Variants in GPC6 observed in about 807,000 individuals in gnomAD.
GPC6 encodes the protein glypican 6, also known as glypican-6.
A neutral mutation model predicts 55.2 loss-of-function variants in GPC6; 14 were observed. That is an observed-to-expected ratio of 0.25 (90% CI 0.17 to 0.40). The LOEUF (loss-of-function observed/expected upper bound fraction) is 0.40. Ranked by LOEUF, GPC6 falls within the 10% of genes least tolerant of loss-of-function variation. The pLI, the probability that GPC6 is intolerant of heterozygous loss-of-function variation, is 1.00. For missense variants in GPC6, 641 were observed against 708.5 expected (o/e 0.90, Z 1.08); for synonymous variants, 278 against 259.6 (o/e 1.07, Z -0.68).
intron 4 of GPC6, among the ~76,000 whole-genome samples, chr13:94,198,672 T>C (rs1889655831): frequency 6.6e-6 from 1 of 152,182 alleles, no homozygotes; most frequent in Admixed American, 6.6e-5. Flanking sequence ...TTGCAATGCA[T>C]CTGTAATTGA....
chr13:93,229,421 G>A (rs1346597753), intron 1 of GPC6, among the ~76,000 whole-genome samples: 2 of 152,144 alleles, frequency 1.3e-5, no homozygotes, highest in Non-Finnish European at 1.5e-5. Context: ...GAAGAAAATA[G>A]TTAGGTATTT....
At chr13:93,722,706 T>G (rs1400786410) in intron 2 of GPC6, among the ~76,000 whole-genome samples, 1 of 151,934 alleles carries the variant, frequency 6.6e-6, no homozygotes, top group Non-Finnish European at 1.5e-5. Context: ...TCTTTCATGG[T>G]TCTTATAGCT....
chr13:93,546,003 T>C (rs1481311208), intron 2 of GPC6, among the ~76,000 whole-genome samples: 3 of 152,346 alleles, frequency 2.0e-5, no homozygotes, highest in East Asian at 1.9e-4. Flanking sequence ...CATTTTTATA[T>C]TACAAATTAC....
intron 3 of GPC6, among the ~76,000 whole-genome samples, chr13:93,931,765 G>GAAA (rs545578327): frequency 4.4e-4 from 22 of 49,606 alleles, no homozygotes; most frequent in Admixed American, 6.6e-4. Context: ...CTCTGTCTCA[G>GAAA]AAAAAAAAAA....
chr13:94,321,131 G>A (rs150846424), intron 6 of GPC6, among the ~76,000 whole-genome samples: 16 of 152,120 alleles, frequency 1.1e-4, no homozygotes, highest in South Asian at 4.1e-4. Context: ...ATGTGTTTTC[G>A]TCATTTACTG....
chr13:93,351,836 C>G (rs1880643452), intron 1 of GPC6, among the ~76,000 whole-genome samples: 1 of 152,056 alleles, frequency 6.6e-6, no homozygotes, highest in Non-Finnish European at 1.5e-5. Context: ...CTTCACTTTT[C>G]TGAGTAACAC....
intron 1 of GPC6, among the ~76,000 whole-genome samples, chr13:93,294,842 A>G (rs9524001): frequency 0.23 from 35,495 of 151,710 alleles, 4,256 homozygotes; most frequent in East Asian, 0.29. Context: ...CTACCTACTG[A>G]TTATTCTGCT....
At chr13:93,963,359 C>A (rs1467500166) in intron 3 of GPC6, among the ~76,000 whole-genome samples, 1 of 151,916 alleles carries the variant, frequency 6.6e-6, no homozygotes, top group Non-Finnish European at 1.5e-5. Context: ...TAGAAGTGTA[C>A]AATGATATAG....
chr13:94,373,554 T>C (rs1879690733), intron 6 of GPC6, among the ~76,000 whole-genome samples: 1 of 152,064 alleles, frequency 6.6e-6, no homozygotes, highest in Non-Finnish European at 1.5e-5. Flanking sequence ...CCAAGAAATA[T>C]GGGACTATGT....
At chr13:93,675,507 A>G (rs904617837) in intron 2 of GPC6, among the ~76,000 whole-genome samples, 1 of 152,098 alleles carries the variant, frequency 6.6e-6, no homozygotes, top group Non-Finnish European at 1.5e-5. Context: ...TAATAGTTGT[A>G]TACTTCACCA....
chr13:93,648,579 A>C (rs773491455), intron 2 of GPC6, among the ~76,000 whole-genome samples: 43 of 152,206 alleles, frequency 2.8e-4, no homozygotes, highest in Non-Finnish European at 5.0e-4. Flanking sequence ...ACAGTTGTGA[A>C]CTGCATAGGC....
chr13:94,220,909 A>G (rs1890363636), intron 4 of GPC6, among the ~76,000 whole-genome samples: 1 of 152,102 alleles, frequency 6.6e-6, no homozygotes, highest in African/African-American at 2.4e-5. Flanking sequence ...CTAGGAAACT[A>G]GGAGTTAGGA....
chr13:93,503,170 A>C (rs1214449368), intron 1 of GPC6, among the ~76,000 whole-genome samples: 1 of 147,604 alleles, frequency 6.8e-6, no homozygotes, highest in Non-Finnish European at 1.5e-5. Context: ...CATCTCATTT[A>C]ATGTGCACCC....
chr13:94,159,288 G>A (rs1491001681), intron 4 of GPC6, among the ~76,000 whole-genome samples: 1 of 152,096 alleles, frequency 6.6e-6, no homozygotes, highest in Non-Finnish European at 1.5e-5. Flanking sequence ...AAGGAAACCA[G>A]TATATTCATC....
intron 3 of GPC6, among the ~76,000 whole-genome samples, chr13:93,832,430 T>A (rs1032704995): frequency 6.6e-6 from 1 of 152,078 alleles, no homozygotes; most frequent in African/African-American, 2.4e-5. Flanking sequence ...TGTTGAAGGA[T>A]AAACATGTAG....
intron 4 of GPC6, among the ~76,000 whole-genome samples, chr13:94,219,787 G>C (rs1890329113): frequency 6.6e-6 from 1 of 152,124 alleles, no homozygotes; most frequent in Non-Finnish European, 1.5e-5. Flanking sequence ...GGATCTGATT[G>C]GAAGACTTTA....
At chr13:93,921,201 G>T (rs551987443) in intron 3 of GPC6, among the ~76,000 whole-genome samples, 3 of 152,258 alleles carry the variant, frequency 2.0e-5, no homozygotes, top group Admixed American at 2.0e-4. Context: ...ACTCTTACGG[G>T]AGGATGAACA....
intron 3 of GPC6, among the ~76,000 whole-genome samples, chr13:93,884,463 C>T (rs922907545): frequency 6.6e-6 from 1 of 151,948 alleles, no homozygotes; most frequent in African/African-American, 2.4e-5. Context: ...TTTATAAACT[C>T]TCGTTCTTCA....
intron 4 of GPC6, among the ~76,000 whole-genome samples, chr13:94,057,818 C>T (rs1884182084): frequency 6.6e-6 from 1 of 152,104 alleles, no homozygotes; most frequent in South Asian, 2.1e-4. Flanking sequence ...AAAAGCCCAG[C>T]AGAAATTAAA....
Sources: allele counts gnomAD v4.1 joint callset (sites outside exome capture counted in the v4.1 genomes callset), GRCh38; gene constraint gnomAD v4.1.1; transcripts MANE v1.5; gene names NCBI Gene and HGNC (gene_info 2026-07-23, HGNC 2026-07-21).